PTGES3: variants seen among roughly 807,000 people sequenced by gnomAD.
The protein encoded by PTGES3 is prostaglandin E synthase 3, also known as Hsp90 co-chaperone.
Under a neutral mutation model 29.9 loss-of-function variants are expected in PTGES3, and 5 were observed. The observed-to-expected ratio is 0.17, with a 90% CI of 0.09 to 0.35. PTGES3 has a LOEUF of 0.35. PTGES3 is among the 10% of genes least tolerant of loss of function. PTGES3 has a pLI of 1.00. For missense variants in PTGES3, 128 were observed against 190.0 expected, an observed-to-expected ratio of 0.67 and a Z score of 1.92; for synonymous variants, 49 against 57.8, an observed-to-expected ratio of 0.85 and a Z score of 0.69.
chr12:56,665,381 G>C (rs1454760506), intron 6 of PTGES3: 1 of 896,722 alleles, frequency 1.1e-6, no homozygotes, highest in African/African-American at 1.9e-5. Context: ...TGCAACCTCT[G>C]CCTCCCGGGT....
rs1408270684 is a variant in PTGES3 at position 56,687,831 on chromosome 12, C to T, written c.2+167G>A. 7 of 1,461,454 alleles carry T rather than the reference C, an allele frequency of 4.8e-6. No individual in the cohort carries two copies. In the African/African-American group the frequency reaches 1.0e-4, roughly 21 times the overall value. 90.5% of individuals were successfully genotyped at this position (1,461,454 alleles called of 1,614,324 possible). A position where few individuals can be genotyped will look rare whatever the true frequency, so the allele number is the denominator to read the frequency against. Reference sequence around the variant, plus strand: ...AGCAGACATCTGGAGGAAAAATGTCCTCCACCCGCCAACGGTAACCGGAAC... The same window carrying T: ...AGCAGACATCTGGAGGAAAAATGTCTTCCACCCGCCAACGGTAACCGGAAC... On this transcript the variant is annotated intron_variant, in intron 1 of 7. Coordinates refer to ENST00000262033, the MANE Select transcript of PTGES3 (RefSeq NM_006601.7).
intron 4 of PTGES3, chr12:56,670,634 C>T (rs1233871252): frequency 6.5e-6 from 2 of 308,024 alleles, no homozygotes; most frequent in African/African-American, 2.1e-5. Flanking sequence ...GTTAACTTAG[C>T]GTGGTTACCT....
At chr12:56,685,047 G>C (rs60530889) in intron 1 of PTGES3, among the ~76,000 whole-genome samples, 2,110 of 152,120 alleles carry the variant, frequency 0.014, 53 homozygotes, top group African/African-American at 0.047. Context: ...GCTTGAGCCC[G>C]GGAGGTAGAG....
Position 56,684,112 on chromosome 12 carries a change from G to A in PTGES3, c.2+3886C>T, listed in dbSNP as rs138117672. Reference sequence around the variant, plus strand: ...AGCTCACGTAAATATGATCTTAGGTGTTTAACAGCGAGATTGGTTCTGAAC... The same window carrying A: ...AGCTCACGTAAATATGATCTTAGGTATTTAACAGCGAGATTGGTTCTGAAC... On this transcript the variant is annotated intron_variant, in intron 1 of 7. Coordinates refer to ENST00000262033, the MANE Select transcript of PTGES3 (RefSeq NM_006601.7). Among the ~76,000 whole-genome samples, 215 of 152,212 alleles carry A rather than the reference G, an allele frequency of 1.4e-3. 1 individual carries two copies. The highest frequency in any genetic ancestry group is 4.4e-3 in the African/African-American group (184 of 41,538).
chr12:56,669,122 G>A (rs1951898793), intron 5 of PTGES3, among the ~76,000 whole-genome samples: 1 of 146,400 alleles, frequency 6.8e-6, no homozygotes. Flanking sequence ...CAATTCTCCT[G>A]CCTTAGCCTC....
chr12:56,688,266 G>C lies in PTGES3; in HGVS notation c.-267C>G, dbSNP rs1045599204. The C allele has an allele frequency of 4.4e-5, 24 of 540,234 alleles. No homozygotes were observed. The highest frequency in any genetic ancestry group is 7.1e-5 in the East Asian group (2 of 28,070). 33.5% of individuals were successfully genotyped at this position (540,234 alleles called of 1,614,324 possible). The stretch of plus-strand genomic sequence containing the variant: ...GGACGGAGAATGAACGTGCGTGCGT[G>C]CAAACGAGGGGTGGTGAGGCCGGGC... On this transcript the variant is annotated 5_prime_UTR_variant, in exon 1 of 8. Transcript: ENST00000262033.
intron 1 of PTGES3, chr12:56,687,458 C>T: frequency 2.0e-6 from 2 of 988,984 alleles, no homozygotes; most frequent in Non-Finnish European, 2.4e-6. Context: ...AAGTATGTTG[C>T]GGCGTGGGCA....
chr12:56,666,559 TAAGGAA>T (rs1800011613), intron 5 of PTGES3, among the ~76,000 whole-genome samples: 1 of 152,176 alleles, frequency 6.6e-6, no homozygotes, highest in Admixed American at 6.6e-5. Context: ...CTCTGGTGGT[TAAGGAA>T]AAGAATGGGA....
chr12:56,683,968 A>C (rs950637903), intron 1 of PTGES3, among the ~76,000 whole-genome samples: 30 of 145,990 alleles, frequency 2.1e-4, no homozygotes, highest in African/African-American at 3.7e-4. Context: ...AAAAAAAAAA[A>C]AAACAAAAAA....
chr12:56,664,462 G>C lies in PTGES3; in HGVS notation c.*17C>G, dbSNP rs761329993. The stretch of plus-strand genomic sequence containing the variant: ...AGTTATTTTTCTTTCTCAAAATCCA[G>C]GTGATGACAATATTCCTTACTCCAG... On this transcript the variant is annotated 3_prime_UTR_variant, in exon 8 of 8. Transcript: ENST00000262033. 6.2e-7 allele frequency: 1 copy of C among 1,602,804 alleles called. No homozygotes were observed. Among genetic ancestry groups the C allele is most frequent in the Non-Finnish European group, 8.5e-7 (1 of 1,175,954 alleles).
chr12:56,670,609 C>T, intron 4 of PTGES3: 1 of 447,314 alleles, frequency 2.2e-6, no homozygotes, highest in Non-Finnish European at 4.1e-6. Context: ...CTTCCTGGGA[C>T]AACACCGTAC....
chr12:56,682,445 C>T (rs972629331), intron 1 of PTGES3, among the ~76,000 whole-genome samples: 5 of 151,942 alleles, frequency 3.3e-5, no homozygotes, highest in African/African-American at 1.2e-4. Flanking sequence ...ACCTGTAGTC[C>T]CAACTACTGG....
At chr12:56,676,406 T>C (rs1952250515) in intron 1 of PTGES3, among the ~76,000 whole-genome samples, 1 of 152,096 alleles carries the variant, frequency 6.6e-6, no homozygotes, top group African/African-American at 2.4e-5. Flanking sequence ...TAAACTAGCT[T>C]CTGCATACTT....
chr12:56,680,217 G>A (rs1297021736), intron 1 of PTGES3, among the ~76,000 whole-genome samples: 1 of 151,724 alleles, frequency 6.6e-6, no homozygotes, highest in African/African-American at 2.4e-5. Flanking sequence ...TGGAACTACA[G>A]GCATGCGTCA....
At chr12:56,670,708 G>T in intron 4 of PTGES3, 1 of 204,586 alleles carries the variant, frequency 4.9e-6, no homozygotes, top group Non-Finnish European at 1.0e-5. Flanking sequence ...CTCCAGAGTA[G>T]CTTTTAACTA....
chr12:56,665,816 G>T, intron 6 of PTGES3: 1 of 730,320 alleles, frequency 1.4e-6, no homozygotes, highest in Non-Finnish European at 1.7e-6. Context: ...AAGTTTTTAA[G>T]ACAGGGTTTC....
intron 1 of PTGES3, among the ~76,000 whole-genome samples, chr12:56,686,468 G>C (rs1952860322): frequency 6.6e-6 from 1 of 152,074 alleles, no homozygotes; most frequent in South Asian, 2.1e-4. Context: ...CCACCTCCCA[G>C]ATTCAAGCGA....
intron 1 of PTGES3, among the ~76,000 whole-genome samples, chr12:56,681,796 G>C (rs1317265975): frequency 1.3e-5 from 2 of 151,576 alleles, no homozygotes; most frequent in African/African-American, 4.8e-5. Context: ...GGCAGAGCTT[G>C]CAGTGAGCCG....
At chr12:56,672,180 C>A (rs1952029830) in intron 3 of PTGES3, among the ~76,000 whole-genome samples, 1 of 152,034 alleles carries the variant, frequency 6.6e-6, no homozygotes. Flanking sequence ...GATATAACCA[C>A]AGAATGGTTT....
Sources: allele counts gnomAD v4.1 joint callset (sites outside exome capture counted in the v4.1 genomes callset), GRCh38; gene constraint gnomAD v4.1.1; transcripts MANE v1.5; gene names NCBI Gene and HGNC (gene_info 2026-07-23, HGNC 2026-07-21).